Variants in ZBTB16 observed in about 807,000 individuals in gnomAD.
ZBTB16 encodes the protein zinc finger and BTB domain-containing protein 16.
A neutral mutation model predicts 56.8 loss-of-function variants in ZBTB16; 8 were observed. That is an observed-to-expected ratio of 0.14 (90% CI 0.08 to 0.25). The LOEUF is 0.25. ZBTB16 is among the 10% of genes least tolerant of loss of function. ZBTB16 has a pLI of 1.00. For missense variants in ZBTB16, 625 were observed against 903.0 expected (o/e 0.69, Z 3.95); for synonymous variants, 363 against 368.5 (o/e 0.98, Z 0.17).
intron 2 of ZBTB16, among the ~76,000 whole-genome samples, chr11:114,072,058 A>G (rs866538619): frequency 6.6e-6 from 1 of 152,258 alleles, no homozygotes; most frequent in Non-Finnish European, 1.5e-5. Context: ...TAAGTGCTCC[A>G]TAAGTGTTTG....
At chr11:114,227,166 C>A (rs1016874393) in intron 4 of ZBTB16, among the ~76,000 whole-genome samples, 1 of 152,170 alleles carries the variant, frequency 6.6e-6, no homozygotes, top group Non-Finnish European at 1.5e-5. Context: ...GTGCAGCAGC[C>A]GGAGCAGCGC....
chr11:114,165,837 G>A (rs1942736825), intron 3 of ZBTB16, among the ~76,000 whole-genome samples: 1 of 152,118 alleles, frequency 6.6e-6, no homozygotes. Context: ...CCCAGCTCTG[G>A]GGACCTTCAG....
intron 3 of ZBTB16, among the ~76,000 whole-genome samples, chr11:114,161,139 G>A (rs148512680): frequency 6.1e-4 from 93 of 152,284 alleles, no homozygotes; most frequent in South Asian, 1.9e-3. Context: ...AGAGACCACA[G>A]ACACATGCAG....
In ZBTB16 at chr11:114,110,886, A is replaced by C. The variant is rs1018265102; in HGVS notation, c.1269-45451A>C. 5.9e-5 allele frequency among the ~76,000 whole-genome samples: 9 copies of C among 152,338 alleles called. No individual in the cohort carries two copies. The East Asian group carries it at 1.5e-3, about 26-fold the overall frequency. On this transcript the variant is annotated intron_variant, in intron 2 of 6. Transcript: ENST00000335953. ...CTGAATTCTGTGATCTTGTTTTTAC[A>C]CATGCTGTGCTTAAATATTAACACC...
chr11:114,233,066 T>TGCGCGCGCACGC (rs1944476823), intron 4 of ZBTB16, among the ~76,000 whole-genome samples: 1 of 94,308 alleles, frequency 1.1e-5, no homozygotes, highest in African/African-American at 3.9e-5. Flanking sequence ...CACATACGCA[T>TGCGCGCGCACGC]GCGCGCGCGC....
chr11:114,191,567 G>A (rs577528124), intron 4 of ZBTB16, among the ~76,000 whole-genome samples: 12 of 152,248 alleles, frequency 7.9e-5, no homozygotes, highest in South Asian at 2.1e-4. Context: ...CCCAACTCAC[G>A]TGCTCTTTCC....
At chr11:114,167,671 G>A (rs374153289) in intron 3 of ZBTB16, among the ~76,000 whole-genome samples, 5 of 151,868 alleles carry the variant, frequency 3.3e-5, no homozygotes, top group African/African-American at 7.2e-5. Flanking sequence ...CTCTCCCAGC[G>A]ACCCCTCCTT....
intron 4 of ZBTB16, among the ~76,000 whole-genome samples, chr11:114,202,028 T>C (rs1943748340): frequency 6.6e-6 from 1 of 152,246 alleles, no homozygotes; most frequent in South Asian, 2.1e-4. Context: ...TCAGCCACAC[T>C]GGCAGGTGCC....
chr11:114,245,835 C>G (rs1944804480), intron 5 of ZBTB16, among the ~76,000 whole-genome samples: 1 of 152,180 alleles, frequency 6.6e-6, no homozygotes, highest in Non-Finnish European at 1.5e-5. Context: ...GTGGGCCATT[C>G]TTTACCATAA....
At chr11:114,239,277 G>T (rs1030462008) in intron 4 of ZBTB16, among the ~76,000 whole-genome samples, 1 of 152,162 alleles carries the variant, frequency 6.6e-6, no homozygotes. Flanking sequence ...CCATGCCGGG[G>T]ATCTCAGAGG....
intron 3 of ZBTB16, among the ~76,000 whole-genome samples, chr11:114,175,578 C>T (rs1020298345): frequency 2.0e-5 from 3 of 152,068 alleles, no homozygotes; most frequent in Admixed American, 1.3e-4. Flanking sequence ...GCCTCAGCCT[C>T]CCGAGTAGCT....
intron 2 of ZBTB16, among the ~76,000 whole-genome samples, chr11:114,139,396 AG>A (rs1445922367): frequency 6.6e-6 from 1 of 152,110 alleles, no homozygotes; most frequent in East Asian, 1.9e-4. Flanking sequence ...CGGCTTCGCC[AG>A]TTTGTTCCGT....
At chr11:114,157,788 C>T (rs1054016325) in intron 3 of ZBTB16, among the ~76,000 whole-genome samples, 9 of 152,284 alleles carry the variant, frequency 5.9e-5, no homozygotes, top group African/African-American at 1.4e-4. Flanking sequence ...TCCAGGCGCA[C>T]GGATTTGTCC....
intron 2 of ZBTB16, among the ~76,000 whole-genome samples, chr11:114,067,831 C>T (rs1291994307): frequency 1.3e-5 from 2 of 152,082 alleles, no homozygotes; most frequent in East Asian, 1.9e-4. Flanking sequence ...GAAAATAATC[C>T]TGCGTGTGCT....
chr11:114,232,120 C>G (rs1418001165), intron 4 of ZBTB16, among the ~76,000 whole-genome samples: 3 of 152,194 alleles, frequency 2.0e-5, no homozygotes, highest in Non-Finnish European at 4.4e-5. Context: ...GTTCCCCCAC[C>G]CGCTTTGGGG....
chr11:114,212,942 C>A (rs1240167662), intron 4 of ZBTB16, among the ~76,000 whole-genome samples: 1 of 152,040 alleles, frequency 6.6e-6, no homozygotes, highest in East Asian at 1.9e-4. Context: ...CCTCCCTCAA[C>A]CTTCATCACT....
At chr11:114,120,857 C>T (rs1370865748) in intron 2 of ZBTB16, among the ~76,000 whole-genome samples, 3 of 152,266 alleles carry the variant, frequency 2.0e-5, no homozygotes, top group South Asian at 2.1e-4. Context: ...AGCAGGGCAG[C>T]GTGGATGCTG....
chr11:114,252,994 T>G lies in ZBTB16; in HGVS notation c.*2439T>G, dbSNP rs1944942491. 6.6e-6 allele frequency among the ~76,000 whole-genome samples: 1 copy of G among 152,186 alleles called. No homozygotes were observed. Among genetic ancestry groups the G allele is most frequent in the Admixed American group, 6.5e-5 (1 of 15,284 alleles). ...GAAAAGAAGTTAAACTTGAAATACGTGACTAGAACAGTTGTCATGTTTATA... is the reference window on the plus strand; with the variant it reads ...GAAAAGAAGTTAAACTTGAAATACGGGACTAGAACAGTTGTCATGTTTATA... On this transcript the variant is annotated 3_prime_UTR_variant, in exon 7 of 7. Coordinates refer to ENST00000335953, the MANE Select transcript of ZBTB16 (RefSeq NM_006006.6).
intron 2 of ZBTB16, among the ~76,000 whole-genome samples, chr11:114,088,856 G>A (rs950310775): frequency 6.6e-6 from 1 of 152,162 alleles, no homozygotes; most frequent in Non-Finnish European, 1.5e-5. Flanking sequence ...CTTTATTGTG[G>A]CAGGAATAGG....
Sources: gnomAD v4.1 joint callset for allele counts (sites outside exome capture counted in the v4.1 genomes callset) on GRCh38, gnomAD v4.1.1 for gene constraint, MANE v1.5 for transcripts, NCBI Gene and HGNC (gene_info 2026-07-23, HGNC 2026-07-21) for gene names.